Variants in ERO1B observed in about 807,000 individuals in gnomAD.
The protein encoded by ERO1B is endoplasmic reticulum oxidoreductase 1 beta.
A neutral mutation model predicts 75.3 loss-of-function variants in ERO1B; 49 were observed. That is an observed-to-expected ratio of 0.65 (90% CI 0.52 to 0.83). The LOEUF (loss-of-function observed/expected upper bound fraction) is 0.83. Among genes scored for constraint, ERO1B ranks in the 40% least tolerant of loss-of-function variants. The probability of loss-of-function intolerance (pLI) is 0.00; values close to 1 mark genes in which losing one functional copy is unlikely to be tolerated. For synonymous variants in ERO1B, 191 were observed against 192.9 expected, an observed-to-expected ratio of 0.99 and a Z score of 0.08; for missense variants, 512 against 560.1, an observed-to-expected ratio of 0.91 and a Z score of 0.87.
intron 5 of ERO1B, among the ~76,000 whole-genome samples, chr1:236,249,007 T>C (rs1664951882): frequency 1.3e-5 from 2 of 150,042 alleles, no homozygotes; most frequent in South Asian, 4.2e-4. Context: ...TTAGCAATTA[T>C]GGTACATAAA....
At chr1:236,240,944 A>C (rs1176788098) in intron 6 of ERO1B, among the ~76,000 whole-genome samples, 1 of 152,212 alleles carries the variant, frequency 6.6e-6, no homozygotes, top group Non-Finnish European at 1.5e-5. Context: ...GTGACATTTG[A>C]GGAGAAACAT....
At chr1:236,268,309 G>A (rs1665499352) in intron 2 of ERO1B, among the ~76,000 whole-genome samples, 2 of 152,090 alleles carry the variant, frequency 1.3e-5, no homozygotes, top group South Asian at 2.1e-4. Flanking sequence ...GCGTGGTGGT[G>A]GGCGCCTGTA....
At chr1:236,259,893 A>G (rs1665254632) in intron 2 of ERO1B, among the ~76,000 whole-genome samples, 1 of 152,174 alleles carries the variant, frequency 6.6e-6, no homozygotes, top group African/African-American at 2.4e-5. Context: ...CCTACCAGAT[A>G]TTTATAGAAT....
At chr1:236,249,022 A>C (rs1286386542) in intron 5 of ERO1B, among the ~76,000 whole-genome samples, 2 of 129,724 alleles carry the variant, frequency 1.5e-5, no homozygotes, top group Admixed American at 9.2e-5. Context: ...CATAAATACA[A>C]ATCTTTTTTT....
At chr1:236,228,547 G>A (rs1214464798) in intron 10 of ERO1B, among the ~76,000 whole-genome samples, 1 of 152,158 alleles carries the variant, frequency 6.6e-6, no homozygotes. Flanking sequence ...TAACAACATA[G>A]AGCAATTCAA....
At chr1:236,256,160 G>C (rs1000115800) in intron 2 of ERO1B, among the ~76,000 whole-genome samples, 1 of 152,210 alleles carries the variant, frequency 6.6e-6, no homozygotes, top group African/African-American at 2.4e-5. Flanking sequence ...CTGCCAGCAA[G>C]AACAGGAGGA....
At chr1:236,277,829 G>A (rs181935360) in intron 1 of ERO1B, among the ~76,000 whole-genome samples, 27 of 152,212 alleles carry the variant, frequency 1.8e-4, no homozygotes, top group Admixed American at 2.0e-4. Flanking sequence ...TCTATCCATC[G>A]AGTTTTAAAT....
intron 1 of ERO1B, among the ~76,000 whole-genome samples, chr1:236,274,964 C>T (rs1200669525): frequency 6.6e-6 from 1 of 152,164 alleles, no homozygotes; most frequent in Non-Finnish European, 1.5e-5. Context: ...AGGAGCAAGA[C>T]ATGCAGGTAT....
chr1:236,222,671 C>T (rs1443960943), intron 13 of ERO1B, among the ~76,000 whole-genome samples: 1 of 152,146 alleles, frequency 6.6e-6, no homozygotes, highest in Non-Finnish European at 1.5e-5. Flanking sequence ...ATAAATATGT[C>T]TAGTTTATGT....
In ERO1B at chr1:236,265,141, T is replaced by C. The variant is rs1277837652; in HGVS notation, c.222+4734A>G. Among the ~76,000 whole-genome samples the C allele has an allele frequency of 2.6e-5, 4 of 152,066 alleles. No individual in the cohort carries two copies. In the East Asian group the frequency reaches 7.7e-4, roughly 29 times the overall value. On this transcript the variant is annotated intron_variant, in intron 2 of 15. Transcript: ENST00000354619. ...TAGTATATCCAACAGTTAATGCAGA[T>C]AGTGGGTATCCTTGTCTTGGTTCCT...
intron 2 of ERO1B, among the ~76,000 whole-genome samples, chr1:236,259,329 C>T (rs904888663): frequency 5.3e-5 from 8 of 151,986 alleles, no homozygotes; most frequent in South Asian, 2.1e-4. Context: ...AGAGAACAAA[C>T]GAATTACAGA....
At chr1:236,228,331 A>G (rs1160914947) in intron 10 of ERO1B, among the ~76,000 whole-genome samples, 1 of 152,226 alleles carries the variant, frequency 6.6e-6, no homozygotes, top group Non-Finnish European at 1.5e-5. Flanking sequence ...AAGCAAATTA[A>G]TAATAAAATA....
intron 6 of ERO1B, among the ~76,000 whole-genome samples, chr1:236,237,543 C>T (rs556636189): frequency 6.6e-6 from 1 of 152,198 alleles, no homozygotes; most frequent in South Asian, 2.1e-4. Flanking sequence ...TTATAATGAC[C>T]ATGCCTCACA....
intron 2 of ERO1B, among the ~76,000 whole-genome samples, chr1:236,260,614 G>C (rs1175038224): frequency 6.6e-6 from 1 of 150,706 alleles, no homozygotes. Context: ...GCAATGAGCC[G>C]AGATCGCGCC....
chr1:236,219,503 G>T (rs1369598010), intron 15 of ERO1B, among the ~76,000 whole-genome samples: 1 of 152,010 alleles, frequency 6.6e-6, no homozygotes, highest in African/African-American at 2.4e-5. Flanking sequence ...ATTTAATTTG[G>T]ACTTAAGAGA....
chr1:236,256,121 C>T (rs1665153614), intron 2 of ERO1B, among the ~76,000 whole-genome samples: 1 of 152,174 alleles, frequency 6.6e-6, no homozygotes, highest in Non-Finnish European at 1.5e-5. Flanking sequence ...CAGCCATCCA[C>T]TCTCTCCTTG....
intron 1 of ERO1B, among the ~76,000 whole-genome samples, chr1:236,274,043 TCA>T (rs1665659396): frequency 6.9e-6 from 1 of 145,180 alleles, no homozygotes; most frequent in South Asian, 2.2e-4. Flanking sequence ...GAGCGCAGGA[TCA>T]CAGTCTTGGC....
chr1:236,262,017 A>G (rs972077797), intron 2 of ERO1B, among the ~76,000 whole-genome samples: 1 of 152,234 alleles, frequency 6.6e-6, no homozygotes, highest in Non-Finnish European at 1.5e-5. Context: ...ATGACTCTGA[A>G]TAGCCAAAGC....
In ERO1B at chr1:236,228,709, C is replaced by A. The variant is rs557921877; in HGVS notation, c.712+1515G>T. On this transcript the variant is annotated intron_variant, in intron 10 of 15. Transcript: ENST00000354619. Reference sequence around the variant, plus strand: ...CGTGGATTTGTGGTTTCCAAAGGAACCTTTACAGGAATCATCTACACTCAC... The same window carrying A: ...CGTGGATTTGTGGTTTCCAAAGGAAACTTTACAGGAATCATCTACACTCAC... Among the ~76,000 whole-genome samples the A allele has an allele frequency of 9.9e-5, 15 of 152,228 alleles. No homozygotes were observed. In the East Asian group the frequency reaches 1.7e-3, roughly 18 times the overall value.
Sources: allele counts gnomAD v4.1 joint callset (sites outside exome capture counted in the v4.1 genomes callset), GRCh38; gene constraint gnomAD v4.1.1; transcripts MANE v1.5; gene names NCBI Gene and HGNC (gene_info 2026-07-23, HGNC 2026-07-21).